Variants in INF2 observed in about 807,000 individuals in gnomAD.
INF2 encodes the protein inverted formin 2.
INF2 carries 43 observed loss-of-function variants against 123.5 expected under a neutral mutation model. The observed-to-expected ratio is 0.35, with a 90% CI of 0.27 to 0.45. The LOEUF (loss-of-function observed/expected upper bound fraction) is 0.45. Among genes scored for constraint, INF2 ranks in the 20% least tolerant of loss-of-function variants. The pLI is 1.00. For missense variants in INF2, 1,453 were observed against 1,682.7 expected (o/e 0.86, Z 2.39); for synonymous variants, 851 against 745.0 (o/e 1.14, Z -2.32).
chr14:104,701,317 A>G (rs1486130738), intron 1 of INF2, 40 bp from the exon 2 acceptor site: 2 of 1,538,634 alleles, frequency 1.3e-6, no homozygotes, highest in Non-Finnish European at 1.8e-6. Flanking sequence ...GACAGCCCCC[A>G]TCCCCTCCCC....
chr14:104,707,672 A>G lies in INF2; in HGVS notation c.1405A>G (p.Met469Val), dbSNP rs1461056808. The part of the protein sequence containing the change: ...PPPPLPGLGA[M>V]APPAPPLPPP... ...CCCACCCCTGCCAGGCCTGGGGGCC[A>G]TGGCCCCCCCAGCACCTCCTCTACC... The change falls in exon 8 of 23, where the codon ATG becomes GTG. Residue 469 changes from methionine to valine, a missense_variant. Around this residue, in one of 8 missense-constraint regions of INF2, gnomAD observed 374 missense variants for 303.7 expected, o/e 1.23. Transcript: ENST00000392634. 19 of 505,756 alleles carry G rather than the reference A, an allele frequency of 3.8e-5. No homozygotes were observed. Among genetic ancestry groups the G allele is most frequent in the Non-Finnish European group, 4.7e-5 (15 of 320,876 alleles). The allele number at this position is 505,756 out of a possible 1,614,324, so 31.3% of individuals were successfully genotyped here. A position where few individuals can be genotyped will look rare whatever the true frequency, so the allele number is the denominator to read the frequency against.
chr14:104,720,933 T>C lies in INF2; in HGVS notation c.*2140T>C, dbSNP rs1890529746. The C allele has an allele frequency of 2.2e-5, 1 of 46,334 alleles. No homozygotes were observed. The highest frequency in any genetic ancestry group is 1.1e-4 in the African/African-American group (1 of 8,776). The allele number at this position is 46,334 out of a possible 1,614,324, so 2.9% of individuals were successfully genotyped here. ...TGTGGACGTCTGCGTCGTCCTCGTG[T>C]GGATGCTGCTGTGGACGTCTGCGTC... On this transcript the variant is annotated 3_prime_UTR_variant, in exon 23 of 23. Transcript: ENST00000392634.
chr14:104,703,489 G>C (rs759664754), intron 4 of INF2, 35 bp downstream of exon 4: 2 of 1,606,442 alleles, frequency 1.2e-6, no homozygotes, highest in Admixed American at 3.3e-5. Context: ...GCCCGCTCCT[G>C]CCCGCCTCTT....
rs1242183789 is a variant in INF2, at chr14:104,719,982, C to T, written c.*1189C>T. The T allele has an allele frequency of 1.3e-5, 2 of 152,550 alleles. No individual in the cohort carries two copies. The highest frequency in any genetic ancestry group is 3.8e-4 in the East Asian group (2 of 5,196). 9.4% of individuals were successfully genotyped at this position (152,550 alleles called of 1,614,324 possible). On this transcript the variant is annotated 3_prime_UTR_variant, in exon 23 of 23. Coordinates refer to ENST00000392634, the MANE Select transcript of INF2 (RefSeq NM_022489.4). ...TGTGTGTGCTGCGGTGGTGTTTGCT[C>T]TCCAGCAGATCAAGTTTGTGCAATG...
Position 104,719,073 on chromosome 14 carries a change from C to G in INF2, c.*280C>G, listed in dbSNP as rs1310107894. 1.6e-6 allele frequency: 1 copy of G among 624,768 alleles called. No individual in the cohort carries two copies. The highest frequency in any genetic ancestry group is 2.6e-6 in the Non-Finnish European group (1 of 388,910). The allele number at this position is 624,768 out of a possible 1,614,324, so 38.7% of individuals were successfully genotyped here. On this transcript the variant is annotated 3_prime_UTR_variant, in exon 23 of 23. Transcript: ENST00000392634. ...TAAAGGCAACCCTGGCCCACACCCG[C>G]ATGCGCCCGGTGCAGCCTGCCAAGG...
rs758454108 is a variant in INF2, at chr14:104,711,007, C to T, written c.2310C>T (p.Tyr770=). 93 of 1,556,838 alleles carry T rather than the reference C, an allele frequency of 6.0e-5. No homozygotes were observed. In the East Asian group the frequency reaches 9.1e-4, roughly 15 times the overall value. The stretch of plus-strand genomic sequence containing the variant: ...TGAGAATTGGGAACTTCCTCAACTA[C>T]GTAAGTCAGGGGCAGCTCCCCATCC... The part of the protein sequence containing the change: ...LILRIGNFLN[Y]GSHTGDADGF... The change falls in exon 14 of 23, where the codon TAC becomes TAT. Residue 770 remains tyrosine (Y), a splice_region_variant and synonymous_variant. Transcript: ENST00000392634.
Position 104,722,277 on chromosome 14 carries a change from T to C in INF2, c.*3484T>C. The C allele has an allele frequency of 6.6e-6, 1 of 152,348 alleles. No homozygotes were observed. Among genetic ancestry groups the C allele is most frequent in the Non-Finnish European group, 1.5e-5 (1 of 68,072 alleles). The allele number at this position is 152,348 out of a possible 1,614,324, so 9.4% of individuals were successfully genotyped here. A position where few individuals can be genotyped will look rare whatever the true frequency, so the allele number is the denominator to read the frequency against. On this transcript the variant is annotated 3_prime_UTR_variant, in exon 23 of 23. Transcript: ENST00000392634. ...TATTTATAGTCCGGGCCTGGAGAAG[T>C]CAGTGAGTCACTAGCGTTCGCCTCT...
intron 13 of INF2, 104 bp from the exon 14 acceptor site, chr14:104,710,833 G>A: frequency 1.0e-6 from 1 of 973,116 alleles, no homozygotes; most frequent in South Asian, 1.5e-5. Context: ...CTGGGGAGGA[G>A]CCAGGGAGTG....
At chr14:104,708,321 A>G in intron 8 of INF2, 115 bp from the exon 9 acceptor site, 6 of 1,338,978 alleles carry the variant, frequency 4.5e-6, no homozygotes, top group South Asian at 4.0e-5. Context: ...ACCTGGACCT[A>G]CTGGGCCCCA....
chr14:104,701,625 G>A lies in INF2; in HGVS notation c.260G>A (p.Arg87His), dbSNP rs1313206415. 2 of 1,602,694 alleles carry A rather than the reference G, an allele frequency of 1.2e-6. No homozygotes were observed. The highest frequency in any genetic ancestry group is 1.7e-6 in the Non-Finnish European group (2 of 1,177,598). Residue 87 changes from arginine (R) to histidine (H), a missense_variant, in exon 2 of 23, where the codon CGC (arginine) becomes CAC (histidine). Coordinates refer to ENST00000392634, the MANE Select transcript of INF2 (RefSeq NM_022489.4). ...GAGGCGCTGGCGCGGCTGTCGGGCC[G>A]CGGCGTTGCACGTATCTCCGACGCC... ...LLEALARLSG[R>H]GVARISDALL...
intron 1 of INF2, chr14:104,700,781 G>A (rs1002181702): frequency 4.4e-5 from 42 of 958,178 alleles, no homozygotes; most frequent in Non-Finnish European, 5.1e-5. Flanking sequence ...CAGACGGGCA[G>A]ACTGAGGCCC....
chr14:104,703,174 C>G lies in INF2; in HGVS notation c.461C>G (p.Ser154Cys). The change falls in exon 3 of 23, where the codon TCT (serine) becomes TGT (cysteine). Residue 154 changes from serine to cysteine, a missense_variant. Ser to Cys is a moderately radical substitution (Grantham distance 112). This residue lies in a region of INF2 where 251 missense variants were observed against 349.4 expected (regional missense o/e 0.72). Coordinates refer to ENST00000392634, the MANE Select transcript of INF2 (RefSeq NM_022489.4). ...FELLAALCIY[S>C]PEGHVLTLDA... Reference sequence around the variant, plus strand: ...CTACTGGCTGCCCTGTGCATCTACTCTCCCGAGGGCCACGTGCTGACCCTG... The same window carrying G: ...CTACTGGCTGCCCTGTGCATCTACTGTCCCGAGGGCCACGTGCTGACCCTG... 3 of 1,613,566 alleles carry G rather than the reference C, an allele frequency of 1.9e-6. No homozygotes were observed. Among genetic ancestry groups the G allele is most frequent in the Non-Finnish European group, 2.5e-6 (3 of 1,179,938 alleles).
chr14:104,718,811 C>T lies in INF2; in HGVS notation c.*18C>T. On this transcript the variant is annotated 3_prime_UTR_variant, in exon 23 of 23. Transcript: ENST00000392634. Reference sequence around the variant, plus strand: ...CTCTTACAGGCCTCAGGCCCAGGCCCAAGGCCAAGTGAGAGAGCCCAGGCC... The same window carrying T: ...CTCTTACAGGCCTCAGGCCCAGGCCTAAGGCCAAGTGAGAGAGCCCAGGCC... The T allele has an allele frequency of 6.2e-7, 1 of 1,613,010 alleles. No individual in the cohort carries two copies. The highest frequency in any genetic ancestry group is 8.5e-7 in the Non-Finnish European group (1 of 1,179,704).
intron 2 of INF2, 48 bp from the exon 3 acceptor site, chr14:104,703,057 G>T (rs777938865): frequency 9.5e-6 from 14 of 1,466,956 alleles, no homozygotes; most frequent in Non-Finnish European, 1.3e-5. Flanking sequence ...CACAGGCATG[G>T]GAAGGGGTGC....
In INF2 at chr14:104,702,809, AAC is replaced by A. The variant is rs10560948; in HGVS notation, c.392-292_392-291del. 5.6e-3 allele frequency among the ~76,000 whole-genome samples: 850 copies of A among 152,350 alleles called. 11 individuals are homozygous for A. The highest frequency in any genetic ancestry group is 0.019 in the African/African-American group (809 of 41,588). ...TAGGAATGAGGTTGTGTCTGCCATA[AAC>A]ACAGTAAGTGCTGCATTGGGAGAAA... is the stretch of plus-strand genomic sequence containing the variant. On this transcript the variant is annotated intron_variant, in intron 2 of 22. Coordinates refer to ENST00000392634, the MANE Select transcript of INF2 (RefSeq NM_022489.4).
rs1384315889 is a variant in INF2, at chr14:104,684,140, A to G, written c.-104+2558A>G. The G allele has an allele frequency of 4.4e-6, 2 of 455,756 alleles. No individual in the cohort carries two copies. The highest frequency in any genetic ancestry group is 8.8e-6 in the Non-Finnish European group (2 of 226,686). The allele number at this position is 455,756 out of a possible 1,614,324, so 28.2% of individuals were successfully genotyped here. On this transcript the variant is annotated intron_variant, in intron 1 of 2. Transcript: ENST00000674723. The surrounding 1 kb of genome is among the most constrained non-coding windows in gnomAD (Gnocchi z 5.0). ...AGTTCAAAGCTGAGCGGCTCTCCCCATCATGCAAGTAACCTGCGTGCCGCC... is the reference window on the plus strand; with the variant it reads ...AGTTCAAAGCTGAGCGGCTCTCCCCGTCATGCAAGTAACCTGCGTGCCGCC...
intron 21 of INF2, among the ~76,000 whole-genome samples, chr14:104,715,071 G>A (rs959249931): frequency 2.6e-5 from 4 of 152,174 alleles, no homozygotes; most frequent in Admixed American, 6.5e-5. Context: ...TACTAATTCC[G>A]ACCTTCACGC....
chr14:104,688,898 A>G (rs1482864235), upstream of INF2, among the ~76,000 whole-genome samples: 1 of 152,222 alleles, frequency 6.6e-6, no homozygotes, highest in African/African-American at 2.4e-5. Flanking sequence ...ATGCTGGTCA[A>G]TGTCGGCGGT....
At chr14:104,687,143 G>A (rs1888683805), upstream of INF2, among the ~76,000 whole-genome samples, 1 of 152,190 alleles carries the variant, frequency 6.6e-6, no homozygotes, top group Non-Finnish European at 1.5e-5. The surrounding 1 kb of genome is among the most constrained non-coding windows in gnomAD (Gnocchi z 5.6). Context: ...TGGCTTCCAG[G>A]AAGCAGCTCC....
Sources: allele counts gnomAD v4.1 joint callset (sites outside exome capture counted in the v4.1 genomes callset), GRCh38; gene constraint gnomAD v4.1.1; regional missense constraint gnomAD v4.1.1; non-coding constraint Gnocchi (gnomAD v3.1); transcripts MANE v1.5; gene names NCBI Gene and HGNC (gene_info 2026-07-23, HGNC 2026-07-21).